Variants in HEXD observed in about 807,000 individuals in gnomAD.
HEXD encodes hexosaminidase D, also known as N-acetyl-beta-galactosaminidase.
In HEXD, 47 loss-of-function variants were observed where a neutral mutation model predicts 54.2. That is an observed-to-expected ratio of 0.87 (90% confidence interval 0.69 to 1.11). The LOEUF is 1.11. HEXD is among the 50% of genes least tolerant of loss of function. The probability of loss-of-function intolerance (pLI) is 0.00; values close to 1 mark genes in which losing one functional copy is unlikely to be tolerated. For missense variants in HEXD, 576 were observed against 649.2 expected, an observed-to-expected ratio of 0.89 and a Z score of 1.23; for synonymous variants, 293 against 287.6, an observed-to-expected ratio of 1.02 and a Z score of -0.19.
chr17:82,433,128 A>ATATATATATATT (rs71168109), intron 4 of HEXD, among the ~76,000 whole-genome samples: 2 of 13,072 alleles, frequency 1.5e-4, no homozygotes. Flanking sequence ...ATATATATAT[A>ATATATATATATT]TTTTTTTTTT....
rs2053700511 is a variant in HEXD, at chr17:82,434,421, G to A, written c.447+599G>A. ...GGGCGGGGTTGGTGCCCACGGGGCT[G>A]GGAGGTTCTGCAGGGCTGTGGCTCA... On this transcript the variant is annotated intron_variant, in intron 5 of 12. Transcript: ENST00000327949. This position sits in a 1 kb window ranked among gnomAD's most constrained non-coding sequence, Gnocchi z 4.5. Among the ~76,000 whole-genome samples, 1 of 152,224 alleles carries A rather than the reference G, an allele frequency of 6.6e-6. No individual in the cohort carries two copies. The highest frequency in any genetic ancestry group is 1.5e-5 in the Non-Finnish European group (1 of 68,028).
rs1249401166 is a variant in HEXD, at chr17:82,424,427, G to T, written c.118G>T (p.Gly40Cys). 1.2e-6 allele frequency: 2 copies of T among 1,613,990 alleles called. No homozygotes were observed. Among genetic ancestry groups the T allele is most frequent in the Non-Finnish European group, 8.5e-7 (1 of 1,179,926 alleles). ...FPLFRALGAN[G>C]LLIEYEDMFP... ...TCTGTTCCGTGCGCTAGGTGCAAAC[G>T]GCCTCCTCATTGAGTATGAAGACAT... Residue 40 changes from glycine (G) to cysteine (C), a missense_variant, in exon 3 of 13, where the codon GGC (glycine) becomes TGC (cysteine). Coordinates refer to ENST00000327949, the MANE Select transcript of HEXD (RefSeq NM_001330542.2).
intron 2 of HEXD, chr17:82,423,294 G>C (rs1053301480): frequency 1.3e-5 from 2 of 152,206 alleles, no homozygotes; most frequent in East Asian, 3.9e-4. Context: ...ACCTCTGATG[G>C]TCCGCGTGGC....
chr17:82,440,681 C>T (rs2053910241), intron 9 of HEXD: 1 of 437,328 alleles, frequency 2.3e-6, no homozygotes, highest in South Asian at 2.4e-5. Flanking sequence ...CTGCGTGAGC[C>T]CTGGACACCT....
intron 6 of HEXD, among the ~76,000 whole-genome samples, chr17:82,436,082 C>T (rs1001444499): frequency 6.6e-6 from 1 of 152,248 alleles, no homozygotes; most frequent in Non-Finnish European, 1.5e-5. Flanking sequence ...CACAGGCCTG[C>T]CTGGTGGCCC....
At chr17:82,433,112 ATATATATATATATATAT>A (rs1480756268) in intron 4 of HEXD, among the ~76,000 whole-genome samples, 6 of 18,506 alleles carry the variant, frequency 3.2e-4, no homozygotes, top group African/African-American at 1.7e-3. Flanking sequence ...ATATATATAT[ATATATATATATATATAT>A]TTTTTTTTTT....
chr17:82,439,775 G>A (rs2053875854), intron 9 of HEXD, 62 bp downstream of exon 9: 11 of 1,597,732 alleles, frequency 6.9e-6, no homozygotes, highest in African/African-American at 1.3e-5. Context: ...CGGAGGGCAG[G>A]AGGCCAAGCA....
Position 82,439,620 on chromosome 17 carries a change from C to T in HEXD, c.900-11C>T, listed in dbSNP as rs772126788. 13 of 1,534,248 alleles carry T rather than the reference C, an allele frequency of 8.5e-6. No individual in the cohort carries two copies. The highest frequency in any genetic ancestry group is 1.9e-5 in the Admixed American group (1 of 53,632). On this transcript the variant is annotated splice_polypyrimidine_tract_variant and intron_variant, in intron 8 of 12. Transcript: ENST00000327949. Reference sequence around the variant, plus strand: ...GGGCTGCGGAGCTAAGCGCCCCTCTCATGGACCCAGGTACGACCACTACTC... The same window carrying T: ...GGGCTGCGGAGCTAAGCGCCCCTCTTATGGACCCAGGTACGACCACTACTC...
intron 4 of HEXD, 130 bp from the exon 5 acceptor site, chr17:82,433,528 G>A: frequency 1.2e-6 from 1 of 859,164 alleles, no homozygotes; most frequent in Middle Eastern, 3.5e-4. Flanking sequence ...TGGGATTACA[G>A]GACTGAGACT....
At chr17:82,427,100 C>T (rs59421485) in intron 3 of HEXD, 23,391 of 149,970 alleles carry the variant, frequency 0.16, 2,122 homozygotes, top group Admixed American at 0.27. Flanking sequence ...TGCGCCACTG[C>T]GCTCCAGCCT....
At chr17:82,427,942 C>T (rs2053465023) in intron 3 of HEXD, 2 of 152,310 alleles carry the variant, frequency 1.3e-5, no homozygotes, top group African/African-American at 4.8e-5. Flanking sequence ...TGCCCTCGGG[C>T]AGCTGCTGAC....
rs58138255 is a variant in HEXD at position 82,438,141 on chromosome 17, G to A, written c.899+778G>A. Among the ~76,000 whole-genome samples the A allele has an allele frequency of 3.9e-3, 596 of 152,172 alleles. 9 individuals are homozygous for A. The highest frequency in any genetic ancestry group is 0.014 in the African/African-American group (576 of 41,512). On this transcript the variant is annotated intron_variant, in intron 8 of 12. Coordinates refer to ENST00000327949, the MANE Select transcript of HEXD (RefSeq NM_001330542.2). ...GATCCTAGCTACTCGGGAGGCTGAGGCAAGGAGAATCACTTGAACCCAGGA... is the reference window on the plus strand; with the variant it reads ...GATCCTAGCTACTCGGGAGGCTGAGACAAGGAGAATCACTTGAACCCAGGA...
At chr17:82,436,940 C>T in intron 7 of HEXD, 1 of 628,492 alleles carries the variant, frequency 1.6e-6, no homozygotes, top group Non-Finnish European at 2.8e-6. Context: ...CCTGTTCCAC[C>T]AGTGTTTTCC....
rs371152401 is a variant in HEXD at position 82,442,584 on chromosome 17, G to A, written c.*200G>A. On this transcript the variant is annotated 3_prime_UTR_variant, in exon 13 of 13. Coordinates refer to ENST00000327949, the MANE Select transcript of HEXD (RefSeq NM_001330542.2). The surrounding 1 kb of genome is among the most constrained non-coding windows in gnomAD (Gnocchi z 6.8). ...AGAAGGAAGCAGCACAGGGAGACCC[G>A]CTTTGTGATCTGCATGTGTGACACT... 1.0e-5 allele frequency: 16 copies of A among 1,572,262 alleles called. No homozygotes were observed. The highest frequency in any genetic ancestry group is 1.7e-4 in the Middle Eastern group (1 of 5,906).
intron 5 of HEXD, 131 bp downstream of exon 5, chr17:82,433,953 A>C: frequency 1.2e-6 from 1 of 826,718 alleles, no homozygotes; most frequent in Non-Finnish European, 1.8e-6. Flanking sequence ...ACCCCATCCA[A>C]CATCTTCTCC....
At chr17:82,423,081 G>C (rs899543229) in intron 2 of HEXD, among the ~76,000 whole-genome samples, 1 of 151,980 alleles carries the variant, frequency 6.6e-6, no homozygotes, top group African/African-American at 2.4e-5. Context: ...AAGGAAAGGC[G>C]TTCTGACAAT....
rs1372227839 is a variant in HEXD at position 82,441,195 on chromosome 17, C to G, written c.1092C>G (p.Asn364Lys). 6.2e-7 allele frequency: 1 copy of G among 1,613,060 alleles called. No homozygotes were observed. Among genetic ancestry groups the G allele is most frequent in the Non-Finnish European group, 8.5e-7 (1 of 1,179,996 alleles). ...GGGCCGGCTCCTTCCCTGGCAGCAA[C>G]ATCCTTGCCCTTGTCACACAAGTCA... is the stretch of plus-strand genomic sequence containing the variant. ...REGAGSFPGS[N>K]ILALVTQVSL... Residue 364 changes from asparagine to lysine, a missense_variant, in exon 11 of 13, where the codon AAC becomes AAG. Asn to Lys is a moderately conservative substitution (Grantham distance 94). Transcript: ENST00000327949.
At position 82,441,169 on chromosome 17, in the gene HEXD, G is replaced by C. The variant is rs1396182576; in HGVS notation, c.1066G>C (p.Gly356Arg). The change falls in exon 11 of 13, where the codon GGG becomes CGG. Residue 356 changes from glycine to arginine, a missense_variant. Physicochemically the swap from Gly to Arg is moderately radical, Grantham distance 125. Transcript: ENST00000327949. ...TCTCAGCAGGGCTCTCCGCAGGGAG[G>C]GGGCCGGCTCCTTCCCTGGCAGCAA... ...SLEKTDPVRE[G>R]AGSFPGSNIL... The C allele has an allele frequency of 1.2e-6, 2 of 1,613,166 alleles. No homozygotes were observed. The highest frequency in any genetic ancestry group is 1.7e-6 in the Non-Finnish European group (2 of 1,180,012).
chr17:82,438,195 A>T (rs1332868343), intron 8 of HEXD, among the ~76,000 whole-genome samples: 1 of 151,706 alleles, frequency 6.6e-6, no homozygotes, highest in African/African-American at 2.4e-5. Flanking sequence ...CCAAGATCAC[A>T]CCGCTGCACT....
Sources: allele counts gnomAD v4.1 joint callset (sites outside exome capture counted in the v4.1 genomes callset), GRCh38; gene constraint gnomAD v4.1.1; non-coding constraint Gnocchi (gnomAD v3.1); transcripts MANE v1.5; gene names NCBI Gene and HGNC (gene_info 2026-07-23, HGNC 2026-07-21).